UBASH3B: variants seen among roughly 807,000 people sequenced by gnomAD.
The protein encoded by UBASH3B is ubiquitin-associated and SH3 domain-containing protein B.
Under a neutral mutation model 83.4 loss-of-function variants are expected in UBASH3B, and 37 were observed. The ratio of observed to expected loss-of-function variants is 0.44; its 90% CI spans 0.34 to 0.58. The LOEUF is 0.58. Among genes scored for constraint, UBASH3B ranks in the 20% least tolerant of loss-of-function variants. The pLI is 0.01. For missense variants in UBASH3B, 657 were observed against 827.2 expected (o/e 0.79, Z 2.52); for synonymous variants, 304 against 318.3 (o/e 0.96, Z 0.48).
chr11:122,736,646 C>T (rs754016417), intron 1 of UBASH3B, among the ~76,000 whole-genome samples: 26 of 151,938 alleles, frequency 1.7e-4, no homozygotes, highest in Non-Finnish European at 2.4e-4. Context: ...CAGGCTAACA[C>T]GCACACATGA....
At position 122,655,850 on chromosome 11, in the gene UBASH3B, C is replaced by A; in HGVS notation, c.-200C>A. On this transcript the variant is annotated 5_prime_UTR_variant, in exon 1 of 14. Transcript: ENST00000284273. ...GGCTGGTCCCGCAGCGGCCGCTTGCCGGCGTTCTGGCTCCTGTGGCCTCAC... is the reference window on the plus strand; with the variant it reads ...GGCTGGTCCCGCAGCGGCCGCTTGCAGGCGTTCTGGCTCCTGTGGCCTCAC... The A allele has an allele frequency of 1.8e-6, 1 of 558,702 alleles. No homozygotes were observed. Among genetic ancestry groups the A allele is most frequent in the Non-Finnish European group, 2.9e-6 (1 of 344,402 alleles). The allele number at this position is 558,702 out of a possible 1,614,324, so 34.6% of individuals were successfully genotyped here.
intron 3 of UBASH3B, among the ~76,000 whole-genome samples, chr11:122,778,138 GACCA>G (rs1860774784): frequency 2.3e-5 from 3 of 132,972 alleles, no homozygotes; most frequent in Admixed American, 2.2e-4. Flanking sequence ...ATATATTCAA[GACCA>G]AACAAAGTGG....
At chr11:122,781,247 T>C (rs773227626) in intron 4 of UBASH3B, among the ~76,000 whole-genome samples, 3 of 150,502 alleles carry the variant, frequency 2.0e-5, no homozygotes, top group African/African-American at 4.9e-5. Flanking sequence ...TGACATTTCA[T>C]AGGAGCTTAA....
At chr11:122,713,863 G>C (rs1864232104) in intron 1 of UBASH3B, among the ~76,000 whole-genome samples, 1 of 152,138 alleles carries the variant, frequency 6.6e-6, no homozygotes, top group Non-Finnish European at 1.5e-5. Context: ...CAGATATGCA[G>C]CTGGCTTTGT....
At chr11:122,715,501 T>C (rs886775182) in intron 1 of UBASH3B, among the ~76,000 whole-genome samples, 4 of 152,336 alleles carry the variant, frequency 2.6e-5, no homozygotes, top group Middle Eastern at 3.4e-3. Context: ...CTGTTGTAGC[T>C]TTGGCATAGC....
At chr11:122,804,639 G>A (rs543213432) in intron 11 of UBASH3B, among the ~76,000 whole-genome samples, 3 of 152,230 alleles carry the variant, frequency 2.0e-5, no homozygotes, top group South Asian at 2.1e-4. Flanking sequence ...GGATTAGACC[G>A]AAGAAATGCA....
intron 1 of UBASH3B, among the ~76,000 whole-genome samples, chr11:122,762,323 T>C (rs1369413413): frequency 6.6e-6 from 1 of 152,180 alleles, no homozygotes; most frequent in African/African-American, 2.4e-5. Context: ...GTGATGTTAC[T>C]ACTCTGCCAA....
At chr11:122,784,656 T>TA (rs1163693822) in intron 5 of UBASH3B, among the ~76,000 whole-genome samples, 1 of 152,196 alleles carries the variant, frequency 6.6e-6, no homozygotes, top group Non-Finnish European at 1.5e-5. Context: ...TAGACTTCTT[T>TA]AAAAAACAAA....
At chr11:122,728,169 G>C (rs1405357648) in intron 1 of UBASH3B, among the ~76,000 whole-genome samples, 1 of 152,176 alleles carries the variant, frequency 6.6e-6, no homozygotes, top group African/African-American at 2.4e-5. Context: ...CTATGCAGTT[G>C]TTCTGGGAGG....
chr11:122,688,650 AT>A (rs1330201518), intron 1 of UBASH3B, among the ~76,000 whole-genome samples: 22 of 72,628 alleles, frequency 3.0e-4, no homozygotes, highest in African/African-American at 7.0e-4. Context: ...ATTTTATTTT[AT>A]TTTATTTTTT....
intron 1 of UBASH3B, among the ~76,000 whole-genome samples, chr11:122,688,127 ACTT>A (rs1378906258): frequency 2.0e-5 from 3 of 151,406 alleles, no homozygotes; most frequent in Non-Finnish European, 2.9e-5. Context: ...AGCTGAGGGG[ACTT>A]CTTGGTTTTA....
chr11:122,689,712 G>GTTT (rs1458330418), intron 1 of UBASH3B, among the ~76,000 whole-genome samples: 4 of 152,180 alleles, frequency 2.6e-5, no homozygotes, highest in Non-Finnish European at 5.9e-5. Flanking sequence ...ATCCCCACCA[G>GTTT]TTGCAAGTCC....
chr11:122,774,518 C>T (rs755254745), intron 1 of UBASH3B, among the ~76,000 whole-genome samples: 53 of 152,186 alleles, frequency 3.5e-4, no homozygotes, highest in Non-Finnish European at 5.3e-4. Context: ...TCACAGATGA[C>T]CTCTGAGGTC....
At chr11:122,746,394 TC>T (rs1861119124) in intron 1 of UBASH3B, among the ~76,000 whole-genome samples, 1 of 152,166 alleles carries the variant, frequency 6.6e-6, no homozygotes, top group African/African-American at 2.4e-5. Context: ...GTGAACAAAC[TC>T]AAACCACTGT....
chr11:122,668,529 T>C (rs1162514165), intron 1 of UBASH3B, among the ~76,000 whole-genome samples: 2 of 152,096 alleles, frequency 1.3e-5, no homozygotes, highest in African/African-American at 4.8e-5. Flanking sequence ...GTACCAGTGA[T>C]AGGATATTGA....
chr11:122,795,210 G>C (rs750767430), intron 7 of UBASH3B, among the ~76,000 whole-genome samples: 2 of 152,216 alleles, frequency 1.3e-5, no homozygotes, highest in Non-Finnish European at 2.9e-5. Context: ...TGCTCAGTAT[G>C]TGTTAACTTT....
At chr11:122,692,545 G>A (rs1343934122) in intron 1 of UBASH3B, among the ~76,000 whole-genome samples, 1 of 152,194 alleles carries the variant, frequency 6.6e-6, no homozygotes, top group African/African-American at 2.4e-5. Flanking sequence ...CAGAGAGGAA[G>A]GAATGCACCC....
At chr11:122,800,747 A>G (rs1243040902) in intron 10 of UBASH3B, among the ~76,000 whole-genome samples, 2 of 151,946 alleles carry the variant, frequency 1.3e-5, no homozygotes, top group Admixed American at 1.3e-4. Flanking sequence ...TGCTGGGACC[A>G]CAAGTGCACG....
intron 1 of UBASH3B, among the ~76,000 whole-genome samples, chr11:122,756,978 C>T (rs180988843): frequency 9.2e-5 from 14 of 152,300 alleles, no homozygotes; most frequent in African/African-American, 2.6e-4. Flanking sequence ...TCATCTGTAA[C>T]GTGAGAGGAT....
Sources: gnomAD v4.1 joint callset for allele counts (sites outside exome capture counted in the v4.1 genomes callset) on GRCh38, gnomAD v4.1.1 for gene constraint, MANE v1.5 for transcripts, NCBI Gene and HGNC (gene_info 2026-07-23, HGNC 2026-07-21) for gene names.